The following NUDT3 variants were observed in gnomAD, a reference collection of about 807,000 sequenced individuals.
NUDT3 encodes the protein diphosphoinositol polyphosphate phosphohydrolase 1.
In NUDT3, 9 loss-of-function variants were observed where a neutral mutation model predicts 23.6. That is an observed-to-expected ratio of 0.38 (90% CI 0.23 to 0.66). The LOEUF is 0.66. Among genes scored for constraint, NUDT3 ranks in the 30% least tolerant of loss-of-function variants. NUDT3 has a pLI of 0.52. For missense variants in NUDT3, 172 were observed against 218.5 expected, an observed-to-expected ratio of 0.79 and a Z score of 1.34; for synonymous variants, 86 against 82.6, an observed-to-expected ratio of 1.04 and a Z score of -0.22.
intron 1 of NUDT3, among the ~76,000 whole-genome samples, chr6:34,353,920 C>CG (rs1561916071): frequency 1.4e-5 from 2 of 143,416 alleles, no homozygotes; most frequent in Non-Finnish European, 3.0e-5. Flanking sequence ...TAGTCTTTTT[C>CG]TTTTTTTTTT....
intron 2 of NUDT3, among the ~76,000 whole-genome samples, chr6:34,326,873 T>C (rs1179236059): frequency 1.3e-5 from 2 of 152,098 alleles, no homozygotes; most frequent in Non-Finnish European, 2.9e-5. Context: ...AGTGCTGGGA[T>C]TACAGGCGTG....
At chr6:34,369,648 C>G (rs79559690) in intron 1 of NUDT3, among the ~76,000 whole-genome samples, 1 of 152,146 alleles carries the variant, frequency 6.6e-6, no homozygotes, top group Admixed American at 6.5e-5. Flanking sequence ...GACAGGGAAG[C>G]CTTTGGTCTA....
chr6:34,293,153 C>T (rs1265658675), intron 4 of NUDT3, among the ~76,000 whole-genome samples: 1 of 152,100 alleles, frequency 6.6e-6, no homozygotes, highest in Non-Finnish European at 1.5e-5. Flanking sequence ...ACCTCAAACT[C>T]CCAAGCACAA....
At chr6:34,367,479 T>C (rs1480493029) in intron 1 of NUDT3, among the ~76,000 whole-genome samples, 2 of 148,634 alleles carry the variant, frequency 1.3e-5, no homozygotes, top group East Asian at 3.9e-4. Context: ...TGAGACTCCA[T>C]CTCATTAAAA....
chr6:34,392,333 G>A lies in NUDT3; in HGVS notation c.30C>T (p.Arg10=). 1 of 1,606,400 alleles carries A rather than the reference G, an allele frequency of 6.2e-7. No homozygotes were observed. The highest frequency in any genetic ancestry group is 8.5e-7 in the Non-Finnish European group (1 of 1,177,494). The stretch of plus-strand genomic sequence containing the variant: ...TCTTGTAGCCGTCGCCGTCGTAGGT[G>A]CGGGTCTGGTTCGACTTGAGCTTCA... The part of the protein sequence containing the change: MMKLKSNQT[R]TYDGDGYKKR... Residue 10 remains arginine, a synonymous_variant, in exon 1 of 5, where the codon CGC becomes CGT. Coordinates refer to ENST00000607016, the MANE Select transcript of NUDT3 (RefSeq NM_006703.4).
rs1257732580 is a variant in NUDT3 at position 34,392,255 on chromosome 6, C to G, written c.99+9G>C. ...CGGCGACCCCGGCCCGCCCAGCCTGCCGCCTCACCTCCTCCTCGCTCTCGC... is the reference window on the plus strand; with the variant it reads ...CGGCGACCCCGGCCCGCCCAGCCTGGCGCCTCACCTCCTCCTCGCTCTCGC... On this transcript the variant is annotated intron_variant, in intron 1 of 4. Coordinates refer to ENST00000607016, the MANE Select transcript of NUDT3 (RefSeq NM_006703.4). The G allele has an allele frequency of 6.3e-7, 1 of 1,582,560 alleles. No homozygotes were observed. The highest frequency in any genetic ancestry group is 8.5e-7 in the Non-Finnish European group (1 of 1,170,564).
At chr6:34,328,122 T>C (rs1764069739) in intron 2 of NUDT3, among the ~76,000 whole-genome samples, 1 of 152,236 alleles carries the variant, frequency 6.6e-6, no homozygotes, top group African/African-American at 2.4e-5. Context: ...CTGAAACAGT[T>C]TGTGCCTTCA....
chr6:34,298,771 G>A (rs1763553922), intron 2 of NUDT3, among the ~76,000 whole-genome samples: 1 of 152,104 alleles, frequency 6.6e-6, no homozygotes, highest in Non-Finnish European at 1.5e-5. Context: ...TTGTCCCTTA[G>A]CCTTTCTTTC....
intron 2 of NUDT3, among the ~76,000 whole-genome samples, chr6:34,299,459 CTCA>C (rs1763564345): frequency 6.6e-6 from 1 of 151,906 alleles, no homozygotes; most frequent in Non-Finnish European, 1.5e-5. Context: ...GAGACAGGGT[CTCA>C]CTCTGTCGCC....
intron 1 of NUDT3, among the ~76,000 whole-genome samples, chr6:34,387,300 G>A (rs1367679265): frequency 3.3e-5 from 5 of 152,090 alleles, no homozygotes; most frequent in Non-Finnish European, 1.5e-5. Context: ...CATAGGAGAT[G>A]ATAGCTCCAC....
intron 2 of NUDT3, among the ~76,000 whole-genome samples, chr6:34,296,634 T>G (rs141596978): frequency 3.3e-4 from 51 of 152,314 alleles, no homozygotes; most frequent in East Asian, 2.5e-3. Flanking sequence ...CATTCACTTA[T>G]TCATTCAACA....
chr6:34,348,732 C>T (rs1031608940), intron 1 of NUDT3, among the ~76,000 whole-genome samples: 1 of 151,754 alleles, frequency 6.6e-6, no homozygotes, highest in East Asian at 1.9e-4. Context: ...GCCAAGATCG[C>T]GCCACTGTAC....
In NUDT3 at chr6:34,356,863, C is replaced by T. The variant is rs1178154894; in HGVS notation, c.100-14891G>A. On this transcript the variant is annotated intron_variant, in intron 1 of 4. Transcript: ENST00000607016. ...CGCAATCTTGGCTCACTGCAAGCTC[C>T]GCCTTACAGGTCCATGCCATTCTCC... 6.6e-5 allele frequency among the ~76,000 whole-genome samples: 10 copies of T among 152,190 alleles called. No individual in the cohort carries two copies. In the South Asian group the frequency reaches 8.3e-4, roughly 13 times the overall value.
At chr6:34,336,487 T>G (rs1475410924) in intron 2 of NUDT3, among the ~76,000 whole-genome samples, 1 of 152,240 alleles carries the variant, frequency 6.6e-6, no homozygotes, top group Non-Finnish European at 1.5e-5. Flanking sequence ...GAATGAGTAT[T>G]TTGCATATAT....
intron 2 of NUDT3, among the ~76,000 whole-genome samples, chr6:34,303,748 C>T (rs960059730): frequency 1.3e-5 from 2 of 152,058 alleles, no homozygotes; most frequent in African/African-American, 4.8e-5. Context: ...GTTTAATTAT[C>T]GAGATCAGGG....
At chr6:34,325,180 A>G (rs1432270546) in intron 2 of NUDT3, among the ~76,000 whole-genome samples, 1 of 152,172 alleles carries the variant, frequency 6.6e-6, no homozygotes, top group East Asian at 1.9e-4. Flanking sequence ...ACCACCTTCT[A>G]CATTAAAACA....
chr6:34,347,589 T>C (rs768815318), intron 1 of NUDT3, among the ~76,000 whole-genome samples: 5 of 152,194 alleles, frequency 3.3e-5, no homozygotes, highest in Non-Finnish European at 7.3e-5. Context: ...TGCAGTGAAA[T>C]GATAAATCTG....
intron 2 of NUDT3, among the ~76,000 whole-genome samples, chr6:34,322,293 C>T (rs1763955183): frequency 1.3e-5 from 2 of 151,644 alleles, no homozygotes; most frequent in Admixed American, 6.6e-5. Context: ...TGCAGTGGCA[C>T]GATTTCAGCT....
chr6:34,353,634 C>A (rs894107068), intron 1 of NUDT3, among the ~76,000 whole-genome samples: 1 of 151,858 alleles, frequency 6.6e-6, no homozygotes, highest in Admixed American at 6.6e-5. Flanking sequence ...AAACTCCTGA[C>A]CTCAAGTGAT....
Sources: gnomAD v4.1 joint callset for allele counts (sites outside exome capture counted in the v4.1 genomes callset) on GRCh38, gnomAD v4.1.1 for gene constraint, MANE v1.5 for transcripts, NCBI Gene and HGNC (gene_info 2026-07-23, HGNC 2026-07-21) for gene names.